KNTC1: variants seen among roughly 807,000 people sequenced by gnomAD.
The protein encoded by KNTC1 is kinetochore associated 1.
Under a neutral mutation model 314.4 loss-of-function variants are expected in KNTC1, and 253 were observed. The ratio of observed to expected loss-of-function variants is 0.80; its 90% confidence interval spans 0.73 to 0.89. The LOEUF (loss-of-function observed/expected upper bound fraction) is 0.89, where lower values mean the gene tolerates loss of function less well. Ranked by LOEUF, KNTC1 falls within the 40% of genes least tolerant of loss-of-function variation. The probability of loss-of-function intolerance (pLI) is 0.00; values close to 1 mark genes in which losing one functional copy is unlikely to be tolerated. For missense variants in KNTC1, 2,475 were observed against 2,572.9 expected (o/e 0.96, Z 0.82); for synonymous variants, 901 against 901.4 (o/e 1.00, Z 0.01).
intron 13 of KNTC1, 55 bp from the exon 14 acceptor site, chr12:122,551,264 A>T: frequency 8.6e-7 from 1 of 1,165,022 alleles, no homozygotes; most frequent in Non-Finnish European, 1.3e-6. Context: ...TCTAGTAATT[A>T]TAAAATGCAT....
At position 122,605,387 on chromosome 12, in the gene KNTC1, G is replaced by A. The variant is rs571378777; in HGVS notation, c.5468G>A (p.Trp1823Ter). 40 of 1,599,458 alleles carry A rather than the reference G, an allele frequency of 2.5e-5. No homozygotes were observed. The highest frequency in any genetic ancestry group is 3.3e-5 in the Non-Finnish European group (39 of 1,171,854). ...EKVWDMLLEK[W>*]LCPSTKPGEK... ...GTCTGGGACATGTTGTTGGAAAAAT[G>A]GCTATGCCCTTCAACAAAACCTGGT... Residue 1823 changes from tryptophan (W) to a stop codon, truncating the protein, a stop_gained, in exon 51 of 64, where the codon TGG (tryptophan) becomes TAG (stop). Coordinates refer to ENST00000333479, the MANE Select transcript of KNTC1 (RefSeq NM_014708.6). LOFTEE classifies it high-confidence loss of function.
Position 122,603,233 on chromosome 12 carries a change from T to A in KNTC1, c.5091T>A (p.Asp1697Glu). The stretch of plus-strand genomic sequence containing the variant: ...CTATTGCCATCAGCCTTGCCCAGGA[T>A]ATCCCTGAAGGTATGAGCTCTTCTT... ...AVAIAISLAQ[D>E]IPEGSFKISA... Residue 1697 changes from aspartate (D) to glutamate (E), a missense_variant, in exon 48 of 64, where the codon GAT becomes GAA. Coordinates refer to ENST00000333479, the MANE Select transcript of KNTC1 (RefSeq NM_014708.6). 6.2e-7 allele frequency: 1 copy of A among 1,605,000 alleles called. No individual in the cohort carries two copies.
intron 44 of KNTC1, among the ~76,000 whole-genome samples, chr12:122,598,353 CAAAAG>C (rs1188863071): frequency 2.6e-5 from 4 of 151,450 alleles, no homozygotes; most frequent in African/African-American, 9.7e-5. Context: ...ACATCTATCT[CAAAAG>C]AAACAATTTC....
rs972599870 is a variant in KNTC1 at position 122,527,290 on chromosome 12, T to A, written c.-135T>A. On this transcript the variant is annotated 5_prime_UTR_variant, in exon 1 of 64. Transcript: ENST00000333479. ...ATGGAACCTAAAGACTAGAGGCGGT[T>A]GTGTGAGTCAGGAAGAGGGGCCAGA... 37 of 212,142 alleles carry A rather than the reference T, an allele frequency of 1.7e-4. No homozygotes were observed. Among genetic ancestry groups the A allele is most frequent in the Non-Finnish European group, 3.2e-4 (33 of 104,690 alleles). The allele number at this position is 212,142 out of a possible 1,614,324, so 13.1% of individuals were successfully genotyped here.
At chr12:122,558,174 C>T (rs964371005) in intron 18 of KNTC1, among the ~76,000 whole-genome samples, 22 of 152,166 alleles carry the variant, frequency 1.4e-4, no homozygotes, top group Admixed American at 8.5e-4. Context: ...CACTGGAATC[C>T]GGGAGGCAGA....
chr12:122,556,367 A>G (rs1963593276), intron 16 of KNTC1, among the ~76,000 whole-genome samples: 1 of 151,326 alleles, frequency 6.6e-6, no homozygotes, highest in Admixed American at 6.6e-5. Flanking sequence ...GTCATCATAG[A>G]CCTCTGAAAC....
intron 44 of KNTC1, 99 bp from the exon 45 acceptor site, chr12:122,601,437 C>T: frequency 1.9e-6 from 2 of 1,077,042 alleles, no homozygotes; most frequent in East Asian, 3.0e-5. Context: ...AGTGCAGTGA[C>T]ATTTTTATAT....
intron 62 of KNTC1, among the ~76,000 whole-genome samples, chr12:122,623,422 C>T (rs2138201868): frequency 6.6e-6 from 1 of 152,298 alleles, no homozygotes. Flanking sequence ...CATGTTGGCG[C>T]TTGAGAGGTC....
chr12:122,540,675 A>G (rs943211464), intron 5 of KNTC1, among the ~76,000 whole-genome samples: 2 of 152,088 alleles, frequency 1.3e-5, no homozygotes, highest in African/African-American at 4.8e-5. Context: ...GGGCTTCAGT[A>G]TATTATTATA....
intron 12 of KNTC1, among the ~76,000 whole-genome samples, chr12:122,548,416 G>A (rs184009248): frequency 2.0e-5 from 3 of 152,024 alleles, no homozygotes; most frequent in African/African-American, 4.8e-5. Flanking sequence ...CACCATTTTG[G>A]CCAGGCCGGT....
chr12:122,581,675 A>C (rs1396350581), intron 33 of KNTC1, among the ~76,000 whole-genome samples: 4 of 151,356 alleles, frequency 2.6e-5, no homozygotes, highest in African/African-American at 7.3e-5. Flanking sequence ...TTGTGTTTTT[A>C]ATAGAGACGG....
Position 122,621,892 on chromosome 12 carries a change from T to C in KNTC1, c.6291T>C (p.Gly2097=). 6.3e-7 allele frequency: 1 copy of C among 1,597,550 alleles called. No individual in the cohort carries two copies. The highest frequency in any genetic ancestry group is 8.5e-7 in the Non-Finnish European group (1 of 1,171,134). ...TGATTTTTCTCTAGAATTTTCTGGG[T>C]TCCTGTGACCCTCAGGTTATTTTAA... ...KRHQQIKNFL[G]SCDPQVILKQ... The change falls in exon 61 of 64, where the codon GGT becomes GGC. Residue 2097 remains glycine, a synonymous_variant. Coordinates refer to ENST00000333479, the MANE Select transcript of KNTC1 (RefSeq NM_014708.6).
chr12:122,618,621 A>G (rs1312758696), intron 59 of KNTC1, 76 bp downstream of exon 59: 1 of 1,050,252 alleles, frequency 9.5e-7, no homozygotes, highest in African/African-American at 1.6e-5. Context: ...AGATATCTCT[A>G]ATGAGTAATT....
chr12:122,596,962 TCTTC>T (rs1228662912), intron 43 of KNTC1, among the ~76,000 whole-genome samples: 4 of 152,226 alleles, frequency 2.6e-5, no homozygotes, highest in Admixed American at 6.5e-5. Context: ...TTTGGTTTGC[TCTTC>T]CTTTTCTACT....
intron 18 of KNTC1, among the ~76,000 whole-genome samples, chr12:122,561,679 C>T (rs1404893862): frequency 6.6e-6 from 1 of 151,996 alleles, no homozygotes. Context: ...ATCCTGAACT[C>T]CTGAGCTCAA....
At chr12:122,613,807 AG>A in intron 55 of KNTC1, 46 bp downstream of exon 55, 1 of 1,520,926 alleles carries the variant, frequency 6.6e-7, no homozygotes, top group Non-Finnish European at 8.8e-7. Context: ...GCCCCTACTC[AG>A]AATCCTGAAA....
chr12:122,620,740 G>A, intron 60 of KNTC1, 132 bp downstream of exon 60: 1 of 904,716 alleles, frequency 1.1e-6, no homozygotes, highest in Non-Finnish European at 1.6e-6. Flanking sequence ...TGTGAAGCTT[G>A]TATGGGGGCT....
At chr12:122,582,455 A>T (rs1868551391) in intron 33 of KNTC1, among the ~76,000 whole-genome samples, 1 of 151,908 alleles carries the variant, frequency 6.6e-6, no homozygotes, top group South Asian at 2.1e-4. Context: ...ACTGGGAACT[A>T]CCTTGCTGAG....
At chr12:122,594,459 CGAT>C (rs1343897309) in intron 43 of KNTC1, 74 bp downstream of exon 43, 1 of 857,358 alleles carries the variant, frequency 1.2e-6, no homozygotes. Context: ...ACAGTAATAA[CGAT>C]GATTATTTTA....
Sources: gnomAD v4.1 joint callset for allele counts (sites outside exome capture counted in the v4.1 genomes callset) on GRCh38, gnomAD v4.1.1 for gene constraint, MANE v1.5 for transcripts, NCBI Gene and HGNC (gene_info 2026-07-23, HGNC 2026-07-21) for gene names.